Variants in LRRC63 observed in about 807,000 individuals in gnomAD.
LRRC63 encodes the protein leucine-rich repeat-containing protein 63.
In LRRC63, 40 loss-of-function variants were observed where a neutral mutation model predicts 49.5. The observed-to-expected ratio is 0.81, with a 90% CI of 0.63 to 1.05. The LOEUF (loss-of-function observed/expected upper bound fraction) is 1.05. Ranked by LOEUF, LRRC63 falls within the 50% of genes least tolerant of loss-of-function variation. The pLI is 0.00. For missense variants in LRRC63, 636 were observed against 663.1 expected, an observed-to-expected ratio of 0.96 and a Z score of 0.45; for synonymous variants, 191 against 221.1, an observed-to-expected ratio of 0.86 and a Z score of 1.21.
chr13:46,270,337 G>C (rs1405863090), intron 9 of LRRC63: 1 of 864,072 alleles, frequency 1.2e-6, no homozygotes, highest in Non-Finnish European at 2.0e-6. Context: ...AATTTAAGTG[G>C]GGGGCACAGT....
intron 9 of LRRC63, among the ~76,000 whole-genome samples, chr13:46,267,856 C>T (rs2047703585): frequency 6.6e-6 from 1 of 152,090 alleles, no homozygotes; most frequent in African/African-American, 2.4e-5. Context: ...TTTGGATTCA[C>T]CACAAGGTAT....
chr13:46,230,853 T>A (rs2138420741), intron 4 of LRRC63, among the ~76,000 whole-genome samples: 1 of 152,360 alleles, frequency 6.6e-6, no homozygotes, highest in East Asian at 1.9e-4. Flanking sequence ...GAGCATAGGC[T>A]GTTACAAGCA....
At chr13:46,243,755 G>A (rs2047132525) in intron 5 of LRRC63, among the ~76,000 whole-genome samples, 1 of 152,162 alleles carries the variant, frequency 6.6e-6, no homozygotes, top group Non-Finnish European at 1.5e-5. Context: ...GGGATAACAG[G>A]CATGAGCCAC....
chr13:46,234,494 A>C, intron 5 of LRRC63, 145 bp downstream of exon 5: 1 of 727,106 alleles, frequency 1.4e-6, no homozygotes, highest in Non-Finnish European at 2.1e-6. Context: ...TTCAAATTGC[A>C]TCTCTAAACC....
chr13:46,271,313 A>G (rs928577263), intron 9 of LRRC63, among the ~76,000 whole-genome samples: 11 of 152,146 alleles, frequency 7.2e-5, no homozygotes, highest in Non-Finnish European at 1.3e-4. Flanking sequence ...GTTTAAAAAA[A>G]CCTAACCCGC....
At chr13:46,243,193 T>G (rs1240206042) in intron 5 of LRRC63, among the ~76,000 whole-genome samples, 1 of 152,176 alleles carries the variant, frequency 6.6e-6, no homozygotes, top group Non-Finnish European at 1.5e-5. Flanking sequence ...TATTAAAGTG[T>G]GGAGTTTGTT....
At chr13:46,252,844 G>A (rs975458225) in intron 7 of LRRC63, among the ~76,000 whole-genome samples, 1 of 152,018 alleles carries the variant, frequency 6.6e-6, no homozygotes, top group Non-Finnish European at 1.5e-5. Context: ...AGAGGGCAAT[G>A]CCAAGTGGTA....
intron 8 of LRRC63, 91 bp from the exon 9 acceptor site, chr13:46,266,642 T>C (rs2047687644): frequency 9.3e-7 from 1 of 1,069,810 alleles, no homozygotes. Context: ...ACTAGTTTGA[T>C]GCCAATTTTC....
At chr13:46,266,127 G>A (rs1169213085) in intron 8 of LRRC63, among the ~76,000 whole-genome samples, 4 of 152,032 alleles carry the variant, frequency 2.6e-5, no homozygotes, top group East Asian at 3.8e-4. Flanking sequence ...ACTCTTTTCC[G>A]TCTGCTTCTA....
chr13:46,213,690 T>C (rs986571151), intron 2 of LRRC63, among the ~76,000 whole-genome samples: 3 of 152,188 alleles, frequency 2.0e-5, no homozygotes, highest in African/African-American at 7.2e-5. Flanking sequence ...TGGCCCTAAG[T>C]TCAATGTTAA....
intron 7 of LRRC63, 132 bp downstream of exon 7, chr13:46,250,623 T>C: frequency 1.4e-6 from 1 of 714,600 alleles, no homozygotes; most frequent in Non-Finnish European, 2.3e-6. Flanking sequence ...AATTAGCTAA[T>C]ACGCTTCTTC....
chr13:46,232,645 GAT>G (rs768686775), intron 4 of LRRC63, among the ~76,000 whole-genome samples: 10 of 151,936 alleles, frequency 6.6e-5, no homozygotes, highest in Admixed American at 2.0e-4. Context: ...TTGAGAGAAA[GAT>G]AGAGAGAGAA....
chr13:46,231,596 G>A (rs1055114720), intron 4 of LRRC63, among the ~76,000 whole-genome samples: 10 of 151,458 alleles, frequency 6.6e-5, no homozygotes, highest in Non-Finnish European at 1.5e-4. Context: ...TGCAACCTCC[G>A]CCTGCCAGGT....
intron 5 of LRRC63, among the ~76,000 whole-genome samples, chr13:46,245,790 G>C (rs986841652): frequency 1.3e-5 from 2 of 152,120 alleles, no homozygotes; most frequent in Non-Finnish European, 2.9e-5. Context: ...ATATAAAAAG[G>C]GGGTAAAGAA....
At chr13:46,230,566 C>T (rs140024766) in intron 4 of LRRC63, among the ~76,000 whole-genome samples, 2 of 152,276 alleles carry the variant, frequency 1.3e-5, no homozygotes, top group East Asian at 3.9e-4. Flanking sequence ...AGCCCAAAAG[C>T]CGAAGAACTT....
chr13:46,221,187 GT>G (rs769629085), intron 2 of LRRC63, among the ~76,000 whole-genome samples: 13 of 152,198 alleles, frequency 8.5e-5, no homozygotes, highest in African/African-American at 1.7e-4. Flanking sequence ...ATAAATATGT[GT>G]TGTATTATCA....
chr13:46,236,734 TAAAG>T (rs1477489241), intron 5 of LRRC63, among the ~76,000 whole-genome samples: 3 of 152,116 alleles, frequency 2.0e-5, no homozygotes, highest in Non-Finnish European at 2.9e-5. Context: ...TAAGAAGAAA[TAAAG>T]AACTCTGATG....
At chr13:46,265,424 T>C (rs2047671073) in intron 8 of LRRC63, among the ~76,000 whole-genome samples, 2 of 152,112 alleles carry the variant, frequency 1.3e-5, no homozygotes, top group African/African-American at 4.8e-5. Flanking sequence ...AAAACAGAAA[T>C]TTATTTCCCA....
intron 8 of LRRC63, among the ~76,000 whole-genome samples, chr13:46,263,234 T>C (rs936577997): frequency 6.6e-5 from 10 of 152,084 alleles, no homozygotes; most frequent in Non-Finnish European, 1.2e-4. Flanking sequence ...TGGAGTGCAG[T>C]GGTATGATCA....
Sources: allele counts gnomAD v4.1 joint callset (sites outside exome capture counted in the v4.1 genomes callset), GRCh38; gene constraint gnomAD v4.1.1; transcripts MANE v1.5; gene names NCBI Gene and HGNC (gene_info 2026-07-23, HGNC 2026-07-21).